The following XPO6 variants were observed in gnomAD, a reference collection of about 807,000 sequenced individuals.
XPO6 encodes exportin 6, also known as exportin-6.
XPO6 carries 3 observed loss-of-function variants against 130.0 expected under a neutral mutation model. That is an observed-to-expected ratio of 0.02 (90% confidence interval 0.01 to 0.06). XPO6 has a LOEUF of 0.06. Ranked by LOEUF, XPO6 falls within the 10% of genes least tolerant of loss-of-function variation. The pLI, the probability that XPO6 is intolerant of heterozygous loss-of-function variation, is 1.00. For missense variants in XPO6, 970 were observed against 1,393.0 expected, an observed-to-expected ratio of 0.70 and a Z score of 4.83; for synonymous variants, 524 against 548.9, an observed-to-expected ratio of 0.95 and a Z score of 0.63.
At chr16:28,134,395 C>T (rs887231169) in intron 10 of XPO6, among the ~76,000 whole-genome samples, 1 of 152,236 alleles carries the variant, frequency 6.6e-6, no homozygotes, top group Admixed American at 6.5e-5. Context: ...TCAGAATCTG[C>T]TTTAACAAGC....
chr16:28,193,771 C>A (rs565188294), intron 1 of XPO6, among the ~76,000 whole-genome samples: 44 of 152,272 alleles, frequency 2.9e-4, no homozygotes, highest in Admixed American at 1.2e-3. Context: ...AATCCCCGCA[C>A]AGCAAGCACG....
chr16:28,166,296 G>C (rs1001071060), intron 6 of XPO6, among the ~76,000 whole-genome samples: 3 of 152,090 alleles, frequency 2.0e-5, no homozygotes, highest in Non-Finnish European at 4.4e-5. Context: ...ATAAAAAAAT[G>C]AGGGAAACAA....
Position 28,154,338 on chromosome 16 carries a change from A to G in XPO6, c.1098-1553T>C, listed in dbSNP as rs78742194. The G allele has an allele frequency of 1.6e-4, 153 of 941,134 alleles. No individual in the cohort carries two copies. The African/African-American group carries it at 2.6e-3, about 16-fold the overall frequency. The allele number at this position is 941,134 out of a possible 1,614,324, so 58.3% of individuals were successfully genotyped here. On this transcript the variant is annotated intron_variant, in intron 7 of 23. Transcript: ENST00000304658. Reference sequence around the variant, plus strand: ...ACTTTAGTATCTAACCCAATTTTTTAAAAATACAAACAAGGCTGTTCAGTA... The same window carrying G: ...ACTTTAGTATCTAACCCAATTTTTTGAAAATACAAACAAGGCTGTTCAGTA...
At chr16:28,195,362 C>T (rs530953322) in intron 1 of XPO6, among the ~76,000 whole-genome samples, 5 of 152,286 alleles carry the variant, frequency 3.3e-5, no homozygotes, top group East Asian at 1.9e-4. Flanking sequence ...AGAACACCTA[C>T]TAACTATGAA....
At chr16:28,158,246 G>C (rs1040636465) in intron 6 of XPO6, among the ~76,000 whole-genome samples, 1 of 152,104 alleles carries the variant, frequency 6.6e-6, no homozygotes, top group Non-Finnish European at 1.5e-5. Flanking sequence ...TACGGGGAAG[G>C]GAGTCCACAA....
At chr16:28,176,172 T>A in intron 3 of XPO6, 77 bp from the exon 4 acceptor site, 1 of 1,342,402 alleles carries the variant, frequency 7.4e-7, no homozygotes, top group Non-Finnish European at 1.0e-6. Flanking sequence ...CAGGTAGCTA[T>A]TATCACTTCA....
chr16:28,148,666 A>T (rs1347979904), intron 8 of XPO6, among the ~76,000 whole-genome samples: 1 of 152,194 alleles, frequency 6.6e-6, no homozygotes, highest in Non-Finnish European at 1.5e-5. Flanking sequence ...TTTTACAGAT[A>T]AAGAAACCAA....
chr16:28,119,488 T>C (rs1476069999), intron 14 of XPO6, among the ~76,000 whole-genome samples: 1 of 152,190 alleles, frequency 6.6e-6, no homozygotes, highest in Admixed American at 6.5e-5. Context: ...CAAATCCAGA[T>C]TGTAGGACAT....
In XPO6 at chr16:28,154,255, T is replaced by A. The variant is rs1323340207; in HGVS notation, c.1098-1470A>T. ...TGCACTCAATTCCCTACTACCCATT[T>A]AAAAAAAAAAAAAAAAAAAAAAAAG... On this transcript the variant is annotated intron_variant, in intron 7 of 23. Transcript: ENST00000304658. 1.1e-4 allele frequency: 92 copies of A among 811,824 alleles called. No individual in the cohort carries two copies. In the Admixed American group the frequency reaches 1.7e-3, roughly 15 times the overall value. 50.3% of individuals were successfully genotyped at this position (811,824 alleles called of 1,614,324 possible). A position where few individuals can be genotyped will look rare whatever the true frequency, so the allele number is the denominator to read the frequency against.
At chr16:28,127,738 A>T (rs980775551) in intron 12 of XPO6, among the ~76,000 whole-genome samples, 1 of 152,202 alleles carries the variant, frequency 6.6e-6, no homozygotes, top group African/African-American at 2.4e-5. Flanking sequence ...CCAAAGGAAG[A>T]CACGAGGCTG....
chr16:28,180,815 C>A, intron 2 of XPO6, 126 bp downstream of exon 2: 1 of 681,508 alleles, frequency 1.5e-6, no homozygotes, highest in Non-Finnish European at 2.3e-6. Context: ...AGAACCAGAG[C>A]GAAAAGAGCA....
Position 28,132,415 on chromosome 16 carries a change from G to A in XPO6, c.1537-12C>T. The A allele has an allele frequency of 6.3e-7, 1 of 1,581,162 alleles. No individual in the cohort carries two copies. Among genetic ancestry groups the A allele is most frequent in the Non-Finnish European group, 8.6e-7 (1 of 1,164,524 alleles). The stretch of plus-strand genomic sequence containing the variant: ...TGAAGAACAGGGAACTGAAAACAAA[G>A]AAACAAAAACAACAAAAATTTTAAG... On this transcript the variant is annotated splice_polypyrimidine_tract_variant and intron_variant, in intron 11 of 23. Coordinates refer to ENST00000304658, the MANE Select transcript of XPO6 (RefSeq NM_015171.4). The surrounding 1 kb of genome is among the most constrained non-coding windows in gnomAD (Gnocchi z 4.0).
At chr16:28,147,799 T>G (rs564894599) in intron 8 of XPO6, among the ~76,000 whole-genome samples, 2 of 152,184 alleles carry the variant, frequency 1.3e-5, no homozygotes, top group East Asian at 3.9e-4. Context: ...ATACAAAAAT[T>G]AGCCGAGCAT....
In XPO6 at chr16:28,106,232, A is replaced by G. The variant is rs761256502; in HGVS notation, c.2613-18T>C. On this transcript the variant is annotated intron_variant, in intron 19 of 23. Coordinates refer to ENST00000304658, the MANE Select transcript of XPO6 (RefSeq NM_015171.4). The surrounding 1 kb of genome is among the most constrained non-coding windows in gnomAD (Gnocchi z 4.2). Reference sequence around the variant, plus strand: ...ACTGCTCTCTACAGAGGAGAAAGCCACACAGTGAGCAACCACATGTTTCTC... The same window carrying G: ...ACTGCTCTCTACAGAGGAGAAAGCCGCACAGTGAGCAACCACATGTTTCTC... The G allele has an allele frequency of 1.2e-6, 2 of 1,612,754 alleles. No homozygotes were observed. The highest frequency in any genetic ancestry group is 4.5e-5 in the East Asian group (2 of 44,838).
chr16:28,134,435 T>C (rs1372911550), intron 10 of XPO6, among the ~76,000 whole-genome samples: 1 of 152,202 alleles, frequency 6.6e-6, no homozygotes, highest in Admixed American at 6.5e-5. Flanking sequence ...CATGGTGACA[T>C]TTAAGAAGCA....
rs150864912 is a variant in XPO6 at position 28,164,276 on chromosome 16, G to A, written c.643+2232C>T. On this transcript the variant is annotated intron_variant, in intron 6 of 23. Coordinates refer to ENST00000304658, the MANE Select transcript of XPO6 (RefSeq NM_015171.4). ...CAAATTTTCTCTAGAAAACTGATAC[G>A]GTCAAGAAAGCAAAACAACTTTCTG... 2.8e-3 allele frequency among the ~76,000 whole-genome samples: 433 copies of A among 152,172 alleles called. 2 individuals are homozygous for A. The highest frequency in any genetic ancestry group is 4.5e-3 in the Non-Finnish European group (303 of 67,994).
Position 28,107,513 on chromosome 16 carries a change from A to T in XPO6, c.2497+9T>A, listed in dbSNP as rs2086812938. 10 of 1,613,972 alleles carry T rather than the reference A, an allele frequency of 6.2e-6. No individual in the cohort carries two copies. Among genetic ancestry groups the T allele is most frequent in the Non-Finnish European group, 8.5e-6 (10 of 1,179,884 alleles). On this transcript the variant is annotated intron_variant, in intron 18 of 23. Coordinates refer to ENST00000304658, the MANE Select transcript of XPO6 (RefSeq NM_015171.4). The stretch of plus-strand genomic sequence containing the variant: ...CACCCACCAGTGGGGCCTCTGGGCC[A>T]GCTCCTACCTGACTGATGGATAAAA...
At chr16:28,102,016 A>G in intron 21 of XPO6, 71 bp from the exon 22 acceptor site, 1 of 1,334,546 alleles carries the variant, frequency 7.5e-7, no homozygotes, top group Non-Finnish European at 1.1e-6. Flanking sequence ...CCATGTCAGA[A>G]GAACAAGTGC....
intron 14 of XPO6, among the ~76,000 whole-genome samples, chr16:28,120,042 A>G (rs1416208725): frequency 6.6e-6 from 1 of 152,098 alleles, no homozygotes; most frequent in Non-Finnish European, 1.5e-5. Flanking sequence ...ACAGGGTTTC[A>G]CCACGTTGGT....
Sources: allele counts gnomAD v4.1 joint callset (sites outside exome capture counted in the v4.1 genomes callset), GRCh38; gene constraint gnomAD v4.1.1; non-coding constraint Gnocchi (gnomAD v3.1); transcripts MANE v1.5; gene names NCBI Gene and HGNC (gene_info 2026-07-23, HGNC 2026-07-21).